Variants in TTC22 observed in about 807,000 individuals in gnomAD.
TTC22 encodes tetratricopeptide repeat domain 22, also known as tetratricopeptide repeat protein 22.
TTC22 carries 42 observed loss-of-function variants against 48.2 expected under a neutral mutation model. That is an observed-to-expected ratio of 0.87 (90% CI 0.68 to 1.13). The LOEUF is 1.13. Among genes scored for constraint, TTC22 ranks in the 50% most tolerant of loss-of-function variants. The probability of loss-of-function intolerance (pLI) is 0.00; values close to 1 mark genes in which losing one functional copy is unlikely to be tolerated. For synonymous variants in TTC22, 345 were observed against 365.5 expected (o/e 0.94, Z 0.64); for missense variants, 784 against 807.0 (o/e 0.97, Z 0.34).
chr1:54,789,373 C>A (rs1342700594), intron 1 of TTC22, among the ~76,000 whole-genome samples: 2 of 152,204 alleles, frequency 1.3e-5, no homozygotes, highest in Non-Finnish European at 2.9e-5. Flanking sequence ...TGAGCAGAGG[C>A]CTGGAGACGT....
rs781737339 is a variant in TTC22 at position 54,800,989 on chromosome 1, G to C, written c.175C>G (p.Leu59Val). 1.0e-5 allele frequency: 16 copies of C among 1,605,796 alleles called. No individual in the cohort carries two copies. The highest frequency in any genetic ancestry group is 1.3e-5 in the African/African-American group (1 of 74,748). Residue 59 changes from leucine to valine, a missense_variant, in exon 1 of 7, where the codon CTG becomes GTG. Coordinates refer to ENST00000371276, the MANE Select transcript of TTC22 (RefSeq NM_001114108.2). ...QREGLRQELQ[L>V]AAAPQRPAVR... is the part of the protein sequence containing the mutation. The stretch of plus-strand genomic sequence containing the variant: ...GCGGGGCGCTGCGGGGCGGCCGCCA[G>C]CTGGAGCTCCTGCCGCAGACCCTCC...
In TTC22 at chr1:54,787,711, C is replaced by T. The variant is rs1379062064; in HGVS notation, c.739G>A (p.Ala247Thr). The change falls in exon 3 of 7, where the codon GCC becomes ACC. Residue 247 changes from alanine (A) to threonine (T), a missense_variant and splice_region_variant. Physicochemically the swap from Ala to Thr is moderately conservative, Grantham distance 58 (BLOSUM62 0). Transcript: ENST00000371276. Reference protein sequence around the residue: ...VLKSEDPRHRALAWCYLGMLL... With the variant: ...VLKSEDPRHRTLAWCYLGMLL... ...TCCCACCCATCCCCCGGGTCCCCAC[C>T]TCGGTGGCGGGGGTCCTCGGACTTC... 1.2e-6 allele frequency: 2 copies of T among 1,610,586 alleles called. No individual in the cohort carries two copies. The highest frequency in any genetic ancestry group is 1.7e-5 in the Admixed American group (1 of 59,784).
At position 54,781,654 on chromosome 1, in the gene TTC22, C is replaced by G; in HGVS notation, c.1299G>C (p.Glu433Asp). 1.3e-6 allele frequency: 2 copies of G among 1,530,930 alleles called. No individual in the cohort carries two copies. Among genetic ancestry groups the G allele is most frequent in the Non-Finnish European group, 1.7e-6 (2 of 1,144,362 alleles). The allele number at this position is 1,530,930 out of a possible 1,614,324, so 94.8% of individuals were successfully genotyped here. Residue 433 changes from glutamate (E) to aspartate (D), a missense_variant, in exon 7 of 7, where the codon GAG (glutamate) becomes GAC (aspartate). Glu to Asp is a conservative substitution (Grantham distance 45). Coordinates refer to ENST00000371276, the MANE Select transcript of TTC22 (RefSeq NM_001114108.2). Reference sequence around the variant, plus strand: ...GGCACTTGCCGCGCAGCAGCTGCAGCTCGGGCAGCGTGGCACCCAGCTCCG... The same window carrying G: ...GGCACTTGCCGCGCAGCAGCTGCAGGTCGGGCAGCGTGGCACCCAGCTCCG... ...GESELGATLP[E>D]LQLLRGKCLR... is the part of the protein sequence containing the mutation.
intron 1 of TTC22, among the ~76,000 whole-genome samples, chr1:54,794,256 G>A (rs1646374169): frequency 6.6e-6 from 1 of 152,142 alleles, no homozygotes; most frequent in East Asian, 1.9e-4. Context: ...AAGCAAAAAA[G>A]GTTAGTGACC....
At chr1:54,800,010 C>T (rs1409589135) in intron 1 of TTC22, among the ~76,000 whole-genome samples, 1 of 152,166 alleles carries the variant, frequency 6.6e-6, no homozygotes, top group Non-Finnish European at 1.5e-5. Context: ...CCATCTAACC[C>T]AGGGTCAGCT....
At chr1:54,785,629 T>C (rs147835207) in intron 5 of TTC22, 129 of 427,900 alleles carry the variant, frequency 3.0e-4, no homozygotes, top group African/African-American at 2.3e-3. Flanking sequence ...CTGGGCAACA[T>C]AGTGAGACCT....
chr1:54,800,523 T>A, intron 1 of TTC22, 74 bp downstream of exon 1: 1 of 1,275,924 alleles, frequency 7.8e-7, no homozygotes, highest in Non-Finnish European at 1.0e-6. Flanking sequence ...TACCGGGGCA[T>A]CTCTGCAGAC....
At chr1:54,799,699 G>A (rs1646418594) in intron 1 of TTC22, among the ~76,000 whole-genome samples, 1 of 152,216 alleles carries the variant, frequency 6.6e-6, no homozygotes, top group African/African-American at 2.4e-5. Flanking sequence ...TTGACCTCAT[G>A]CAATCAGTGG....
At position 54,782,369 on chromosome 1, in the gene TTC22, C is replaced by T; in HGVS notation, c.1129G>A (p.Val377Ile). ...ACAKADLEEV[V>I]RVCPGFKAYL... ...GCCTTGAAGCCTGGGCACACCCTGA[C>T]CACTTCCTCAAGGTCAGCCTTGGCA... The change falls in exon 6 of 7, where the codon GTC becomes ATC. Residue 377 changes from valine (V) to isoleucine (I), a missense_variant. Val to Ile is a conservative substitution (Grantham distance 29). Transcript: ENST00000371276. 1.3e-6 allele frequency: 2 copies of T among 1,551,006 alleles called. No individual in the cohort carries two copies. The highest frequency in any genetic ancestry group is 8.7e-7 in the Non-Finnish European group (1 of 1,146,664).
intron 3 of TTC22, chr1:54,787,396 A>C (rs1447302696): frequency 7.2e-6 from 4 of 559,366 alleles, no homozygotes; most frequent in Non-Finnish European, 1.3e-5. Flanking sequence ...CCTGCAAAAA[A>C]ATGACTCGAC....
intron 1 of TTC22, among the ~76,000 whole-genome samples, chr1:54,792,441 C>CT (rs539509172): frequency 0.021 from 3,034 of 145,162 alleles, 82 homozygotes; most frequent in African/African-American, 0.069. Flanking sequence ...GTCTCTCTCT[C>CT]TTTTTTTTTT....
At chr1:54,795,084 G>A (rs970482629) in intron 1 of TTC22, among the ~76,000 whole-genome samples, 1 of 152,260 alleles carries the variant, frequency 6.6e-6, no homozygotes, top group African/African-American at 2.4e-5. Flanking sequence ...AGCTGTGGGT[G>A]GTGATGCTCT....
intron 5 of TTC22, among the ~76,000 whole-genome samples, chr1:54,783,537 C>T (rs1207583511): frequency 6.6e-6 from 1 of 152,178 alleles, no homozygotes; most frequent in Non-Finnish European, 1.5e-5. Flanking sequence ...CTGTTCCAGG[C>T]ACTGAGAATA....
rs1169903010 is a variant in TTC22 at position 54,800,800 on chromosome 1, A to G, written c.364T>C (p.Cys122Arg). The G allele has an allele frequency of 6.3e-7, 1 of 1,577,194 alleles. No homozygotes were observed. Among genetic ancestry groups the G allele is most frequent in the South Asian group, 1.2e-5 (1 of 86,512 alleles). ...ATGAGGTCGGCCAGCCGTGCGGCGC[A>G]CGCCTCCTCCTCTTCTTCCTGGCCC... ...RLGQEEEEEACAARLADLMGL... is the reference protein window; with the variant it reads ...RLGQEEEEEARAARLADLMGL... Residue 122 changes from cysteine to arginine, a missense_variant, in exon 1 of 7, where the codon TGC (cysteine) becomes CGC (arginine). By Grantham distance (180) the Cys-to-Arg change is radical. Transcript: ENST00000371276.
chr1:54,793,434 C>T (rs1402785292), intron 1 of TTC22, among the ~76,000 whole-genome samples: 1 of 152,176 alleles, frequency 6.6e-6, no homozygotes, highest in Non-Finnish European at 1.5e-5. Context: ...TAACCTGGTA[C>T]TTCAGGCCAG....
intron 1 of TTC22, among the ~76,000 whole-genome samples, chr1:54,797,318 G>A (rs1055988900): frequency 7.9e-5 from 12 of 152,302 alleles, no homozygotes; most frequent in East Asian, 3.9e-4. Context: ...GATGGGAGGA[G>A]GAGGGGAGTG....
At chr1:54,799,570 GC>G (rs2101476446) in intron 1 of TTC22, among the ~76,000 whole-genome samples, 1 of 152,294 alleles carries the variant, frequency 6.6e-6, no homozygotes, top group South Asian at 2.1e-4. Flanking sequence ...CCTCTCTGCT[GC>G]CATGACCTGC....
chr1:54,788,496 T>G (rs950515695), intron 1 of TTC22, among the ~76,000 whole-genome samples: 5 of 152,176 alleles, frequency 3.3e-5, no homozygotes, highest in Non-Finnish European at 7.3e-5. Context: ...TTGGTCATGT[T>G]AAGTGAGCCC....
At chr1:54,781,862 A>C in intron 6 of TTC22, 83 bp from the exon 7 acceptor site, 1 of 1,262,414 alleles carries the variant, frequency 7.9e-7, no homozygotes, top group Non-Finnish European at 1.0e-6. Context: ...TTTAAAAAAA[A>C]ATTCCACTCC....
Sources: gnomAD v4.1 joint callset for allele counts (sites outside exome capture counted in the v4.1 genomes callset) on GRCh38, gnomAD v4.1.1 for gene constraint, MANE v1.5 for transcripts, NCBI Gene and HGNC (gene_info 2026-07-23, HGNC 2026-07-21) for gene names.